The following TTLL11 variants were observed in gnomAD, a reference collection of about 807,000 sequenced individuals.
TTLL11 encodes tubulin tyrosine ligase like 11, also known as tubulin polyglutamylase TTLL11.
Under a neutral mutation model 51.7 loss-of-function variants are expected in TTLL11, and 42 were observed. The ratio of observed to expected loss-of-function variants is 0.81; its 90% CI spans 0.64 to 1.05. TTLL11 has a LOEUF of 1.05. TTLL11 is among the 50% of genes least tolerant of loss of function. The pLI is 0.00. For synonymous variants in TTLL11, 381 were observed against 383.5 expected (o/e 0.99, Z 0.08); for missense variants, 799 against 940.4 (o/e 0.85, Z 1.97).
At chr9:122,027,481 G>T (rs1312695134) in intron 3 of TTLL11, among the ~76,000 whole-genome samples, 1 of 152,150 alleles carries the variant, frequency 6.6e-6, no homozygotes, top group Admixed American at 6.5e-5. Flanking sequence ...AAGGACATTA[G>T]TAGGACAACA....
intron 6 of TTLL11, among the ~76,000 whole-genome samples, chr9:121,881,681 G>C (rs1250700859): frequency 6.6e-6 from 1 of 152,196 alleles, no homozygotes; most frequent in African/African-American, 2.4e-5. Context: ...GTGCCATTCT[G>C]TATGGGATTT....
rs185368843 is a variant in TTLL11, at chr9:121,935,955, C to T, written c.1481+38054G>A. Among the ~76,000 whole-genome samples the T allele has an allele frequency of 4.6e-5, 7 of 152,312 alleles. No homozygotes were observed. In the South Asian group the frequency reaches 6.2e-4, roughly 14 times the overall value. On this transcript the variant is annotated intron_variant, in intron 6 of 8. Coordinates refer to ENST00000321582, the MANE Select transcript of TTLL11 (RefSeq NM_001139442.2). ...CCAGGTACCCGGACCCTCTCCTGGC[C>T]GCTTCTGGGAAAAGCAGCCTTAGGT...
intron 8 of TTLL11, among the ~76,000 whole-genome samples, chr9:121,826,781 G>A (rs1210413044): frequency 6.6e-6 from 1 of 151,832 alleles, no homozygotes; most frequent in Admixed American, 6.6e-5. Context: ...GGGCATCGGT[G>A]GAGGCTTTTG....
At chr9:122,079,891 G>A (rs564114246) in intron 1 of TTLL11, among the ~76,000 whole-genome samples, 36 of 152,226 alleles carry the variant, frequency 2.4e-4, no homozygotes, top group African/African-American at 8.2e-4. Flanking sequence ...ACTTTGGGAG[G>A]CCGAGGTGGA....
intron 1 of TTLL11, among the ~76,000 whole-genome samples, chr9:122,042,917 T>C (rs1304998885): frequency 6.6e-6 from 1 of 152,050 alleles, no homozygotes; most frequent in Non-Finnish European, 1.5e-5. Context: ...AAAAGATCAG[T>C]ATTTGCCAGG....
Position 122,075,135 on chromosome 9 carries a change from CATTT to C in TTLL11, c.462+17548_462+17551del, listed in dbSNP as rs202154771. ...TATATAAATATTAATAACCAACATT[CATTT>C]ATCATTAATAATCCATTATTGTAAC... On this transcript the variant is annotated intron_variant, in intron 1 of 8. Coordinates refer to ENST00000321582, the MANE Select transcript of TTLL11 (RefSeq NM_001139442.2). Among the ~76,000 whole-genome samples, 908 of 152,312 alleles carry C rather than the reference CATTT, an allele frequency of 6.0e-3. 12 individuals carry two copies. The highest frequency in any genetic ancestry group is 0.021 in the African/African-American group (881 of 41,568).
At chr9:121,826,557 G>GTATATATATATATATATA (rs1171227988) in intron 8 of TTLL11, among the ~76,000 whole-genome samples, 18 of 51,342 alleles carry the variant, frequency 3.5e-4, no homozygotes, top group African/African-American at 1.1e-3. Context: ...ATATGTGTGT[G>GTATATATATATATATATA]TATATATATA....
chr9:122,003,163 G>A (rs1588195633), intron 3 of TTLL11, among the ~76,000 whole-genome samples: 1 of 152,004 alleles, frequency 6.6e-6, no homozygotes, highest in Admixed American at 6.6e-5. Flanking sequence ...AAATAGCAAG[G>A]TATGTGTTAC....
intron 3 of TTLL11, among the ~76,000 whole-genome samples, chr9:122,025,469 C>T (rs1344638685): frequency 1.3e-5 from 2 of 151,986 alleles, no homozygotes; most frequent in Non-Finnish European, 2.9e-5. Flanking sequence ...CCTGTTTTTA[C>T]AAAAAATACA....
chr9:121,912,392 G>A (rs1466213281), intron 6 of TTLL11, among the ~76,000 whole-genome samples: 7 of 95,216 alleles, frequency 7.4e-5, no homozygotes, highest in Admixed American at 3.5e-4. Context: ...CCCCGCCCCC[G>A]TCCAGCAATA....
At chr9:122,022,404 T>C (rs889895752) in intron 3 of TTLL11, among the ~76,000 whole-genome samples, 6 of 152,038 alleles carry the variant, frequency 3.9e-5, no homozygotes, top group African/African-American at 7.2e-5. Flanking sequence ...AAGAATGTTA[T>C]ATAAAGAAGA....
intron 3 of TTLL11, among the ~76,000 whole-genome samples, chr9:121,990,015 C>T (rs1396427350): frequency 2.0e-5 from 3 of 152,178 alleles, no homozygotes; most frequent in Admixed American, 2.0e-4. Flanking sequence ...AGTCACAAGA[C>T]CTGGGTTCAA....
In TTLL11 at chr9:122,093,049, C is replaced by A. The variant is rs757651545; in HGVS notation, c.100G>T (p.Ala34Ser). 6.6e-7 allele frequency: 1 copy of A among 1,514,816 alleles called. No homozygotes were observed. 93.8% of individuals were successfully genotyped at this position (1,514,816 alleles called of 1,614,324 possible). Residue 34 changes from alanine (A) to serine (S), a missense_variant, in exon 1 of 9, where the codon GCG becomes TCG. By Grantham distance (99) the Ala-to-Ser change is moderately conservative (BLOSUM62 1). Coordinates refer to ENST00000321582, the MANE Select transcript of TTLL11 (RefSeq NM_001139442.2). ...AAAKAEAEAT[A>S]ETVAEQVRVD... ...CGGACCTGTTCCGCCACCGTCTCCG[C>A]TGTGGCCTCGGCCTCAGCTTTGGCC... is the stretch of plus-strand genomic sequence containing the variant.
chr9:122,051,414 G>C (rs766756996), intron 1 of TTLL11, among the ~76,000 whole-genome samples: 2 of 152,148 alleles, frequency 1.3e-5, no homozygotes, highest in African/African-American at 2.4e-5. Context: ...TTCTGCCTTG[G>C]CATCCATTTT....
At chr9:121,936,558 G>T (rs973438379) in intron 6 of TTLL11, among the ~76,000 whole-genome samples, 2 of 152,178 alleles carry the variant, frequency 1.3e-5, no homozygotes, top group African/African-American at 2.4e-5. Flanking sequence ...GTGCCTGTAA[G>T]TAGGGTTCCT....
At chr9:122,066,379 G>A (rs1845583180) in intron 1 of TTLL11, among the ~76,000 whole-genome samples, 1 of 152,058 alleles carries the variant, frequency 6.6e-6, no homozygotes, top group Admixed American at 6.6e-5. Flanking sequence ...GGGGTGGAGT[G>A]GGAGACAACA....
chr9:121,984,916 G>A (rs1842908251), intron 4 of TTLL11, among the ~76,000 whole-genome samples: 1 of 152,160 alleles, frequency 6.6e-6, no homozygotes, highest in African/African-American at 2.4e-5. Flanking sequence ...GTACCCTCAA[G>A]AAGGCTGACA....
At chr9:121,973,203 G>A (rs1180555078) in intron 6 of TTLL11, among the ~76,000 whole-genome samples, 1 of 152,218 alleles carries the variant, frequency 6.6e-6, no homozygotes, top group Non-Finnish European at 1.5e-5. Flanking sequence ...ACAGCGCAAT[G>A]TAATGTACCA....
At chr9:121,982,717 C>CAAAAAAAAAAAAAAAAAAAAAAA (rs71371907) in intron 4 of TTLL11, among the ~76,000 whole-genome samples, 1 of 97,436 alleles carries the variant, frequency 1.0e-5, no homozygotes, top group Non-Finnish European at 1.9e-5. Flanking sequence ...AACTCCAACT[C>CAAAAAAAAAAAAAAAAAAAAAAA]AAAAAAAAAA....
Sources: gnomAD v4.1 joint callset for allele counts (sites outside exome capture counted in the v4.1 genomes callset) on GRCh38, gnomAD v4.1.1 for gene constraint, MANE v1.5 for transcripts, NCBI Gene and HGNC (gene_info 2026-07-23, HGNC 2026-07-21) for gene names.